The following PPP1R9A variants were observed in gnomAD, a reference collection of about 807,000 sequenced individuals.
The protein encoded by PPP1R9A is neurabin-1.
PPP1R9A carries 59 observed loss-of-function variants against 141.9 expected under a neutral mutation model. The observed-to-expected ratio is 0.42, with a 90% CI of 0.34 to 0.52. PPP1R9A has a LOEUF of 0.52. PPP1R9A is among the 20% of genes least tolerant of loss of function. The pLI, the probability that PPP1R9A is intolerant of heterozygous loss-of-function variation, is 0.10. For synonymous variants in PPP1R9A, 500 were observed against 569.7 expected (o/e 0.88, Z 1.74); for missense variants, 1,444 against 1,611.9 (o/e 0.90, Z 1.78).
At chr7:94,917,197 T>C (rs1792187862) in intron 2 of PPP1R9A, among the ~76,000 whole-genome samples, 1 of 152,198 alleles carries the variant, frequency 6.6e-6, no homozygotes, top group South Asian at 2.1e-4. Flanking sequence ...AAATGAAATA[T>C]GTCAAATATT....
At chr7:95,249,437 G>C (rs1798573878) in intron 9 of PPP1R9A, among the ~76,000 whole-genome samples, 1 of 152,058 alleles carries the variant, frequency 6.6e-6, no homozygotes, top group African/African-American at 2.4e-5. Flanking sequence ...CAAGCATTCT[G>C]ATGTGTTATA....
intron 2 of PPP1R9A, among the ~76,000 whole-genome samples, chr7:95,069,806 G>C (rs1344865692): frequency 6.6e-6 from 1 of 152,068 alleles, no homozygotes; most frequent in African/African-American, 2.4e-5. Context: ...ACAGCCAAGG[G>C]GGAAGAGAGT....
At chr7:95,270,631 C>T (rs1371733206) in intron 14 of PPP1R9A, among the ~76,000 whole-genome samples, 1 of 152,090 alleles carries the variant, frequency 6.6e-6, no homozygotes, top group Non-Finnish European at 1.5e-5. Context: ...ATATTTTCCT[C>T]GTTCCTGTTA....
rs114313982 is a variant in PPP1R9A at position 95,192,327 on chromosome 7, A to G, written c.1755-6022A>G. 8.8e-3 allele frequency among the ~76,000 whole-genome samples: 1,334 copies of G among 152,104 alleles called. 16 individuals are homozygous for G. The highest frequency in any genetic ancestry group is 0.031 in the African/African-American group (1,279 of 41,548). On this transcript the variant is annotated intron_variant, in intron 5 of 19. Transcript: ENST00000433360. ...TAATGTATAAATATGCAGTTTCACCATGGCCTCAGCACTATTAAATTTTAT... is the reference window on the plus strand; with the variant it reads ...TAATGTATAAATATGCAGTTTCACCGTGGCCTCAGCACTATTAAATTTTAT...
chr7:94,966,129 T>C (rs1048883073), intron 2 of PPP1R9A, among the ~76,000 whole-genome samples: 9 of 152,228 alleles, frequency 5.9e-5, no homozygotes, highest in African/African-American at 1.9e-4. Flanking sequence ...TTGTCTCTTA[T>C]TGGTGTATAG....
intron 2 of PPP1R9A, among the ~76,000 whole-genome samples, chr7:95,028,399 A>G (rs781384711): frequency 6.6e-6 from 1 of 152,228 alleles, no homozygotes; most frequent in Non-Finnish European, 1.5e-5. Flanking sequence ...AAATGAATTC[A>G]TATTGCTTAC....
intron 2 of PPP1R9A, among the ~76,000 whole-genome samples, chr7:95,073,370 T>C (rs1814289278): frequency 6.6e-6 from 1 of 152,154 alleles, no homozygotes; most frequent in African/African-American, 2.4e-5. Context: ...ATGTAGAACA[T>C]AGCATAAGAG....
intron 6 of PPP1R9A, among the ~76,000 whole-genome samples, chr7:95,198,772 G>A (rs562350414): frequency 3.9e-5 from 6 of 152,150 alleles, no homozygotes; most frequent in African/African-American, 1.4e-4. Context: ...ACACAAAAAT[G>A]TGAATAATGT....
intron 4 of PPP1R9A, among the ~76,000 whole-genome samples, chr7:95,122,325 T>G (rs1822781277): frequency 6.6e-6 from 1 of 152,124 alleles, no homozygotes; most frequent in Non-Finnish European, 1.5e-5. Context: ...TTTTGTATTT[T>G]TAGTAGAGAC....
At chr7:94,931,220 C>T (rs1446036592) in intron 2 of PPP1R9A, among the ~76,000 whole-genome samples, 2 of 152,108 alleles carry the variant, frequency 1.3e-5, no homozygotes, top group Admixed American at 1.3e-4. Flanking sequence ...GAAGTGCTCA[C>T]CAGTAAGAGG....
chr7:95,026,762 T>C (rs896533000), intron 2 of PPP1R9A, among the ~76,000 whole-genome samples: 1 of 152,108 alleles, frequency 6.6e-6, no homozygotes, highest in South Asian at 2.1e-4. Context: ...TTGCTGCCTT[T>C]TTTTCAGAGA....
intron 16 of PPP1R9A, among the ~76,000 whole-genome samples, chr7:95,278,261 G>C (rs1335842018): frequency 6.6e-6 from 1 of 152,118 alleles, no homozygotes; most frequent in African/African-American, 2.4e-5. Context: ...GTCAGATAAG[G>C]CTAGTCTATA....
intron 7 of PPP1R9A, among the ~76,000 whole-genome samples, chr7:95,222,344 T>C (rs1405818161): frequency 6.6e-6 from 1 of 152,046 alleles, no homozygotes; most frequent in Non-Finnish European, 1.5e-5. Context: ...TGAATGCAGC[T>C]TCAACAACTT....
intron 2 of PPP1R9A, among the ~76,000 whole-genome samples, chr7:95,096,608 A>T (rs933844247): frequency 1.2e-4 from 19 of 152,254 alleles, no homozygotes; most frequent in Middle Eastern, 3.4e-3. Flanking sequence ...CCATTCTCTG[A>T]AAGACAAATG....
intron 2 of PPP1R9A, among the ~76,000 whole-genome samples, chr7:94,983,494 CTTTT>C (rs1369207510): frequency 6.6e-6 from 1 of 152,096 alleles, no homozygotes; most frequent in Non-Finnish European, 1.5e-5. Flanking sequence ...TTTGTGTCAT[CTTTT>C]ATTTCATTGA....
At chr7:95,274,984 C>T (rs562503945) in intron 16 of PPP1R9A, among the ~76,000 whole-genome samples, 1 of 152,144 alleles carries the variant, frequency 6.6e-6, no homozygotes, top group African/African-American at 2.4e-5. Flanking sequence ...TAAAATGATA[C>T]TTGGCATGTA....
intron 2 of PPP1R9A, among the ~76,000 whole-genome samples, chr7:95,081,725 AGCAATACTG>A (rs1815866384): frequency 6.6e-6 from 1 of 152,226 alleles, no homozygotes; most frequent in Non-Finnish European, 1.5e-5. Context: ...TCTTCATAAA[AGCAATACTG>A]GCAAAATGGT....
intron 2 of PPP1R9A, among the ~76,000 whole-genome samples, chr7:95,084,207 G>T (rs1816305661): frequency 6.6e-6 from 1 of 151,960 alleles, no homozygotes; most frequent in Non-Finnish European, 1.5e-5. Flanking sequence ...GAAAAGTTTA[G>T]GGAAAAATTC....
rs529944017 is a variant in PPP1R9A, at chr7:95,243,791, C to T, written c.2113-3682C>T. Among the ~76,000 whole-genome samples, 5 of 152,066 alleles carry T rather than the reference C, an allele frequency of 3.3e-5. No individual in the cohort carries two copies. The East Asian group carries it at 9.7e-4, about 30-fold the overall frequency. ...GAGGTTCACAACACCTGCCCTGCCT[C>T]CCCCAGTCATTTGCAATGATAAAGG... is the stretch of plus-strand genomic sequence containing the variant. On this transcript the variant is annotated intron_variant, in intron 8 of 19. Transcript: ENST00000433360.
Sources: allele counts gnomAD v4.1 joint callset (sites outside exome capture counted in the v4.1 genomes callset), GRCh38; gene constraint gnomAD v4.1.1; transcripts MANE v1.5; gene names NCBI Gene and HGNC (gene_info 2026-07-23, HGNC 2026-07-21).